The following LARP4 variants were observed in gnomAD, a reference collection of about 807,000 sequenced individuals.
LARP4 encodes the protein La ribonucleoprotein 4, also known as la-related protein 4.
Under a neutral mutation model 92.9 loss-of-function variants are expected in LARP4, and 29 were observed. The ratio of observed to expected loss-of-function variants is 0.31; its 90% CI spans 0.23 to 0.43. LARP4 has a LOEUF of 0.43. LARP4 is among the 20% of genes least tolerant of loss of function. The probability of loss-of-function intolerance (pLI) is 1.00; values close to 1 mark genes in which losing one functional copy is unlikely to be tolerated. For missense variants in LARP4, 732 were observed against 860.0 expected (o/e 0.85, Z 1.86); for synonymous variants, 279 against 284.1 (o/e 0.98, Z 0.18).
intron 1 of LARP4, among the ~76,000 whole-genome samples, chr12:50,426,291 T>C (rs1948692632): frequency 6.6e-6 from 1 of 152,220 alleles, no homozygotes; most frequent in Non-Finnish European, 1.5e-5. Flanking sequence ...GTACGTCTTA[T>C]TATGCTGTAA....
intron 1 of LARP4, among the ~76,000 whole-genome samples, chr12:50,404,729 G>C (rs556691092): frequency 8.8e-6 from 1 of 113,864 alleles, no homozygotes; most frequent in South Asian, 3.0e-4. Flanking sequence ...CACTCTTGTT[G>C]CCCAGGCTGG....
At chr12:50,426,580 G>C (rs754576058) in intron 1 of LARP4, among the ~76,000 whole-genome samples, 1 of 151,922 alleles carries the variant, frequency 6.6e-6, no homozygotes, top group African/African-American at 2.4e-5. Context: ...ATTCTAAAGC[G>C]TGTAAGTGAT....
At chr12:50,469,563 C>T (rs1264001210) in intron 13 of LARP4, among the ~76,000 whole-genome samples, 1 of 138,364 alleles carries the variant, frequency 7.2e-6, no homozygotes, top group Admixed American at 8.2e-5. Context: ...GAGATTGCGC[C>T]ACTGCACTCC....
At chr12:50,435,931 C>T (rs1950337568) in intron 5 of LARP4, among the ~76,000 whole-genome samples, 1 of 151,968 alleles carries the variant, frequency 6.6e-6, no homozygotes, top group Admixed American at 6.6e-5. Context: ...GCGCACACCA[C>T]CACATCTGGC....
At position 50,400,892 on chromosome 12, in the gene LARP4, T is replaced by G. The variant is rs1943681537; in HGVS notation, c.-119T>G. ...GGCTGACGGCAGGGGAGGAGCCGGG[T>G]CCACTGCCGGGTGGAGGGGCAAGGC... On this transcript the variant is annotated 5_prime_UTR_variant, in exon 1 of 16. Coordinates refer to ENST00000398473, the MANE Select transcript of LARP4 (RefSeq NM_052879.5). The G allele has an allele frequency of 2.2e-6, 3 of 1,380,220 alleles. No homozygotes were observed. The highest frequency in any genetic ancestry group is 2.1e-6 in the Non-Finnish European group (2 of 967,542). 85.5% of individuals were successfully genotyped at this position (1,380,220 alleles called of 1,614,324 possible).
At chr12:50,432,240 A>C (rs1396728688) in intron 4 of LARP4, among the ~76,000 whole-genome samples, 1 of 152,200 alleles carries the variant, frequency 6.6e-6, no homozygotes, top group Non-Finnish European at 1.5e-5. Flanking sequence ...TATGCTGTAC[A>C]TTACATACAA....
chr12:50,416,872 G>A (rs1946887090), intron 1 of LARP4, among the ~76,000 whole-genome samples: 2 of 152,110 alleles, frequency 1.3e-5, no homozygotes, highest in South Asian at 2.1e-4. Context: ...GGAGCCTGAG[G>A]TGGGAGTATT....
intron 5 of LARP4, 129 bp downstream of exon 5, chr12:50,435,753 A>G: frequency 1.5e-6 from 1 of 660,710 alleles, no homozygotes; most frequent in Non-Finnish European, 2.5e-6. Context: ...TTTGTTCCGA[A>G]TTCTCTCTCT....
chr12:50,401,096 C>T, intron 1 of LARP4, 68 bp downstream of exon 1: 1 of 1,579,218 alleles, frequency 6.3e-7, no homozygotes, highest in Non-Finnish European at 8.7e-7. Context: ...CGGCCGGTCC[C>T]ACCGCCATGT....
chr12:50,436,101 GGTGTGT>G (rs141076360), intron 5 of LARP4, among the ~76,000 whole-genome samples: 2,519 of 134,922 alleles, frequency 0.019, 28 homozygotes, highest in Middle Eastern at 0.046. Flanking sequence ...GTATCCCGCT[GGTGTGT>G]GTGTGTGTGT....
At chr12:50,472,836 T>C (rs927883628) in intron 13 of LARP4, among the ~76,000 whole-genome samples, 6 of 151,792 alleles carry the variant, frequency 4.0e-5, no homozygotes, top group Admixed American at 2.6e-4. Flanking sequence ...TTTTTTTTTT[T>C]TGGGACGGAG....
At chr12:50,414,140 A>T (rs536905487) in intron 1 of LARP4, among the ~76,000 whole-genome samples, 4 of 152,214 alleles carry the variant, frequency 2.6e-5, no homozygotes, top group African/African-American at 9.6e-5. Flanking sequence ...TCAAAATAGT[A>T]TTGAATCTGG....
chr12:50,458,073 C>T (rs1163387944), intron 10 of LARP4, among the ~76,000 whole-genome samples: 1 of 151,542 alleles, frequency 6.6e-6, no homozygotes, highest in Admixed American at 6.6e-5. Flanking sequence ...GCTGGGACTA[C>T]AGGCGCATAC....
chr12:50,433,803 C>T (rs985743099), intron 4 of LARP4, among the ~76,000 whole-genome samples: 4 of 152,028 alleles, frequency 2.6e-5, no homozygotes, highest in African/African-American at 9.7e-5. Context: ...CCGTGCCTGG[C>T]TAAGTTTTGT....
At chr12:50,408,291 G>A (rs1245253365) in intron 1 of LARP4, among the ~76,000 whole-genome samples, 2 of 134,998 alleles carry the variant, frequency 1.5e-5, no homozygotes, top group Admixed American at 8.5e-5. Context: ...TCCGCCTCCC[G>A]GGTTCAAGTG....
chr12:50,419,881 G>A (rs931337324), intron 1 of LARP4, among the ~76,000 whole-genome samples: 1 of 152,004 alleles, frequency 6.6e-6, no homozygotes, highest in Admixed American at 6.6e-5. Flanking sequence ...CTCCACCCTG[G>A]GCAACAAGAG....
chr12:50,423,204 TA>T (rs1403549832), intron 1 of LARP4, among the ~76,000 whole-genome samples: 1 of 152,206 alleles, frequency 6.6e-6, no homozygotes, highest in African/African-American at 2.4e-5. Flanking sequence ...ATTTTTCCTT[TA>T]AAAAATTTTT....
intron 1 of LARP4, chr12:50,416,234 T>C (rs902801559): frequency 2.6e-5 from 4 of 152,226 alleles, no homozygotes; most frequent in African/African-American, 9.7e-5. Context: ...TGGATTTGAA[T>C]CTTGTTATTT....
chr12:50,450,079 G>C (rs1952906828), intron 8 of LARP4, among the ~76,000 whole-genome samples: 1 of 151,842 alleles, frequency 6.6e-6, no homozygotes, highest in South Asian at 2.1e-4. Flanking sequence ...GACTACAGGT[G>C]TGCACCACCA....
Sources: allele counts gnomAD v4.1 joint callset (sites outside exome capture counted in the v4.1 genomes callset), GRCh38; gene constraint gnomAD v4.1.1; transcripts MANE v1.5; gene names NCBI Gene and HGNC (gene_info 2026-07-23, HGNC 2026-07-21).